The following HOOK3 variants were observed in gnomAD, a reference collection of about 807,000 sequenced individuals.
HOOK3 encodes hook microtubule tethering protein 3.
In HOOK3, 24 loss-of-function variants were observed where a neutral mutation model predicts 116.3. The observed-to-expected ratio is 0.21, with a 90% CI of 0.15 to 0.29. HOOK3 has a LOEUF of 0.29. Ranked by LOEUF, HOOK3 falls within the 10% of genes least tolerant of loss-of-function variation. The probability of loss-of-function intolerance (pLI) is 1.00; values close to 1 mark genes in which losing one functional copy is unlikely to be tolerated. For missense variants in HOOK3, 632 were observed against 830.2 expected (o/e 0.76, Z 2.93); for synonymous variants, 275 against 283.0 (o/e 0.97, Z 0.28).
At chr8:42,916,696 A>G (rs756702650) in intron 2 of HOOK3, among the ~76,000 whole-genome samples, 8 of 152,200 alleles carry the variant, frequency 5.3e-5, no homozygotes, top group African/African-American at 9.7e-5. Context: ...AAAGGTGTCT[A>G]GCCAGTCACT....
At position 42,950,368 on chromosome 8, in the gene HOOK3, T is replaced by C. The variant is rs1331441304; in HGVS notation, c.401-20T>C. ...ATCTTTAACTTGAACAGTGACATTC[T>C]AGATTGTTCTTGTTTTCAGAGTACA... On this transcript the variant is annotated intron_variant, in intron 5 of 21. Coordinates refer to ENST00000307602, the MANE Select transcript of HOOK3 (RefSeq NM_032410.4). 1.9e-6 allele frequency: 3 copies of C among 1,541,076 alleles called. No individual in the cohort carries two copies. Among genetic ancestry groups the C allele is most frequent in the Non-Finnish European group, 2.7e-6 (3 of 1,115,220 alleles).
intron 3 of HOOK3, among the ~76,000 whole-genome samples, chr8:42,926,191 C>T (rs1249173890): frequency 6.6e-6 from 1 of 152,198 alleles, no homozygotes; most frequent in Non-Finnish European, 1.5e-5. Flanking sequence ...GTGTATATAG[C>T]TGAACAGGTT....
At chr8:42,954,655 A>G (rs1228259270) in intron 6 of HOOK3, among the ~76,000 whole-genome samples, 1 of 152,242 alleles carries the variant, frequency 6.6e-6, no homozygotes, top group Non-Finnish European at 1.5e-5. Flanking sequence ...CATTTAGCAA[A>G]TACTTATTGA....
intron 1 of HOOK3, among the ~76,000 whole-genome samples, chr8:42,900,095 A>G (rs1234324578): frequency 6.6e-6 from 1 of 152,208 alleles, no homozygotes; most frequent in Non-Finnish European, 1.5e-5. Flanking sequence ...CAGACAGCCT[A>G]CTAGCCCAAG....
At position 42,990,325 on chromosome 8, in the gene HOOK3, C is replaced by CTTTTTTTTTTTTTTTTTTTT. The variant is rs59033055; in HGVS notation, c.1532+3548_1532+3567dup. On this transcript the variant is annotated intron_variant, in intron 15 of 21. Coordinates refer to ENST00000307602, the MANE Select transcript of HOOK3 (RefSeq NM_032410.4). ...TTGAGAAATAAATATCTGTTTAGAT[C>CTTTTTTTTTTTTTTTTTTTT]TTTTTTTTTTTTTTTTTTTTTTTTT... is the stretch of plus-strand genomic sequence containing the variant. 5.3e-5 allele frequency among the ~76,000 whole-genome samples: 2 copies of CTTTTTTTTTTTTTTTTTTTT among 37,882 alleles called. 1 individual carries two copies. Among genetic ancestry groups the CTTTTTTTTTTTTTTTTTTTT allele is most frequent in the Non-Finnish European group, 1.1e-4 (2 of 18,930 alleles). 24.9% of individuals were successfully genotyped at this position (37,882 alleles called of 152,430 possible). A position where few individuals can be genotyped will look rare whatever the true frequency, so the allele number is the denominator to read the frequency against.
chr8:42,938,746 C>T (rs888000095), intron 4 of HOOK3, among the ~76,000 whole-genome samples: 4 of 149,750 alleles, frequency 2.7e-5, no homozygotes, highest in East Asian at 1.9e-4. Flanking sequence ...ATTGATCATT[C>T]TTGGGTGTTT....
chr8:42,925,067 TG>T (rs1348013182), intron 2 of HOOK3, among the ~76,000 whole-genome samples: 1 of 152,096 alleles, frequency 6.6e-6, no homozygotes, highest in African/African-American at 2.4e-5. Flanking sequence ...GATTCTTGAC[TG>T]TTTTTTTGTT....
chr8:42,918,311 C>T (rs988610365), intron 2 of HOOK3, among the ~76,000 whole-genome samples: 1 of 151,798 alleles, frequency 6.6e-6, no homozygotes, highest in African/African-American at 2.4e-5. Context: ...GCACTCCAGC[C>T]TGGGCAACAA....
In HOOK3 at chr8:43,018,391, A is replaced by G. The variant is rs1291957665; in HGVS notation, c.2050A>G (p.Arg684Gly). The G allele has an allele frequency of 1.1e-5, 18 of 1,609,832 alleles. No homozygotes were observed. The Admixed American group carries it at 3.1e-4, about 28-fold the overall frequency. The change falls in exon 22 of 22, where the codon AGA (arginine) becomes GGA (glycine). Residue 684 changes from arginine to glycine, a missense_variant. Arg to Gly is a moderately radical substitution (Grantham distance 125). This residue lies in a region of HOOK3 where 483 missense variants were observed against 648.1 expected (regional missense o/e 0.75). Transcript: ENST00000307602. ...MTLHKKAAED[R>G]LASTGSGQSF... Reference sequence around the variant, plus strand: ...CCTGCATAAAAAGGCAGCTGAAGATAGACTGGCAAGCACAGGCTCAGGGCA... The same window carrying G: ...CCTGCATAAAAAGGCAGCTGAAGATGGACTGGCAAGCACAGGCTCAGGGCA...
intron 6 of HOOK3, among the ~76,000 whole-genome samples, chr8:42,952,482 G>A (rs1203661323): frequency 2.0e-5 from 3 of 152,158 alleles, no homozygotes; most frequent in Non-Finnish European, 4.4e-5. Flanking sequence ...GATTGAATCA[G>A]TGACCATGAT....
At chr8:42,919,618 C>G (rs1286147424) in intron 2 of HOOK3, among the ~76,000 whole-genome samples, 3 of 152,330 alleles carry the variant, frequency 2.0e-5, no homozygotes, top group African/African-American at 2.4e-5. Flanking sequence ...TTGTAGCCAG[C>G]CGAGATTACG....
At chr8:42,923,469 A>G (rs1351142554) in intron 2 of HOOK3, among the ~76,000 whole-genome samples, 1 of 152,202 alleles carries the variant, frequency 6.6e-6, no homozygotes, top group South Asian at 2.1e-4. Flanking sequence ...TATAAATGGA[A>G]TATTATTTAG....
At chr8:42,919,358 G>T (rs905849624) in intron 2 of HOOK3, among the ~76,000 whole-genome samples, 3 of 151,366 alleles carry the variant, frequency 2.0e-5, no homozygotes, top group Non-Finnish European at 4.4e-5. Flanking sequence ...TCGTGGCCGG[G>T]CAGAGGCGCT....
intron 13 of HOOK3, among the ~76,000 whole-genome samples, chr8:42,980,714 T>C (rs553075264): frequency 6.6e-6 from 1 of 152,008 alleles, no homozygotes; most frequent in East Asian, 2.0e-4. Context: ...TGAAAACCCG[T>C]CTCTACTAAA....
intron 14 of HOOK3, among the ~76,000 whole-genome samples, chr8:42,983,204 G>A (rs540593861): frequency 1.2e-3 from 176 of 151,832 alleles, no homozygotes; most frequent in African/African-American, 4.1e-3. Flanking sequence ...TGTGGTGGCG[G>A]GTGCCTGTAG....
Position 42,905,325 on chromosome 8 carries a change from T to TTGGGG in HOOK3, c.58-848_58-847insTGGGG, listed in dbSNP as rs746035645. Among the ~76,000 whole-genome samples the TTGGGG allele has an allele frequency of 3.2e-4, 32 of 99,156 alleles. 2 individuals are homozygous for TTGGGG. Among genetic ancestry groups the TTGGGG allele is most frequent in the African/African-American group, 1.4e-3 (30 of 21,442 alleles). 65.1% of individuals were successfully genotyped at this position (99,156 alleles called of 152,430 possible). On this transcript the variant is annotated intron_variant, in intron 1 of 21. Transcript: ENST00000307602. ...TTTTTTTTTTTCCTGTTTCTTTTTTTGGGGGGGGGGGTGCCGTGGTGGAGG... is the reference window on the plus strand; with the variant it reads ...TTTTTTTTTTTCCTGTTTCTTTTTTTTGGGGGGGGGGGGGGGTGCCGTGGTGGAGG...
intron 21 of HOOK3, among the ~76,000 whole-genome samples, chr8:43,017,489 C>G (rs945564527): frequency 6.6e-6 from 1 of 152,090 alleles, no homozygotes; most frequent in African/African-American, 2.4e-5. Context: ...TGGTCTTGAG[C>G]TTCTAGCCTC....
chr8:42,966,621 C>A lies in HOOK3; in HGVS notation c.920+8C>A, dbSNP rs1453705406. Reference sequence around the variant, plus strand: ...TGAGATCGACGTGCTGAGGTAAAAACCTCACCTTCACCGCCCAGCACAGTT... The same window carrying A: ...TGAGATCGACGTGCTGAGGTAAAAAACTCACCTTCACCGCCCAGCACAGTT... On this transcript the variant is annotated splice_region_variant and intron_variant, in intron 10 of 21. Transcript: ENST00000307602. The A allele has an allele frequency of 6.2e-7, 1 of 1,613,686 alleles. No individual in the cohort carries two copies. Among genetic ancestry groups the A allele is most frequent in the African/African-American group, 1.3e-5 (1 of 74,868 alleles).
In HOOK3 at chr8:42,966,643, A is replaced by T; in HGVS notation, c.920+30A>T. 3 of 1,605,456 alleles carry T rather than the reference A, an allele frequency of 1.9e-6. No individual in the cohort carries two copies. In the South Asian group the frequency reaches 3.3e-5, roughly 18 times the overall value. ...AAACCTCACCTTCACCGCCCAGCAC[A>T]GTTTGGCTCTGGTGTTAGAAACTCT... On this transcript the variant is annotated intron_variant, in intron 10 of 21. Coordinates refer to ENST00000307602, the MANE Select transcript of HOOK3 (RefSeq NM_032410.4).
Sources: allele counts gnomAD v4.1 joint callset (sites outside exome capture counted in the v4.1 genomes callset), GRCh38; gene constraint gnomAD v4.1.1; regional missense constraint gnomAD v4.1.1; transcripts MANE v1.5; gene names NCBI Gene and HGNC (gene_info 2026-07-23, HGNC 2026-07-21).